The following SEMA6D variants were observed in gnomAD, a reference collection of about 807,000 sequenced individuals.
SEMA6D encodes semaphorin-6D.
In SEMA6D, 35 loss-of-function variants were observed where a neutral mutation model predicts 106.6. The observed-to-expected ratio is 0.33, with a 90% CI of 0.25 to 0.44. The LOEUF (loss-of-function observed/expected upper bound fraction) is 0.44. Among genes scored for constraint, SEMA6D ranks in the 20% least tolerant of loss-of-function variants. The pLI is 1.00. For missense variants in SEMA6D, 1,185 were observed against 1,345.9 expected (o/e 0.88, Z 1.87); for synonymous variants, 499 against 487.7 (o/e 1.02, Z -0.31).
chr15:47,587,986 G>A (rs182457964), intron 3 of SEMA6D, among the ~76,000 whole-genome samples: 6 of 152,134 alleles, frequency 3.9e-5, no homozygotes, highest in African/African-American at 9.7e-5. Flanking sequence ...GGGAAGTTGC[G>A]TGAGTGCAGC....
In SEMA6D at chr15:47,771,297, A is replaced by G. The variant is rs1344420174; in HGVS notation, c.2734A>G (p.Met912Val). The G allele has an allele frequency of 3.7e-6, 6 of 1,613,952 alleles. No individual in the cohort carries two copies. Among genetic ancestry groups the G allele is most frequent in the Non-Finnish European group, 5.1e-6 (6 of 1,179,940 alleles). The change falls in exon 19 of 19, where the codon ATG becomes GTG. Residue 912 changes from methionine (M) to valine (V), a missense_variant. Coordinates refer to ENST00000536845, the MANE Select transcript of SEMA6D (RefSeq NM_001358351.3). ...ACACCAGAACTTAATGCTGGATCCC[A>G]TGGGATCGATGTCTGAGGTCCCACC... ...MAHQNLMLDPMGSMSEVPPKV... is the reference protein window; with the variant it reads ...MAHQNLMLDPVGSMSEVPPKV...
chr15:47,441,549 A>G (rs1334573263), intron 2 of SEMA6D, among the ~76,000 whole-genome samples: 1 of 152,142 alleles, frequency 6.6e-6, no homozygotes, highest in Non-Finnish European at 1.5e-5. Flanking sequence ...GTTTACAGGC[A>G]GGAGTTTCAA....
intron 1 of SEMA6D, among the ~76,000 whole-genome samples, chr15:47,254,656 C>A (rs1026969140): frequency 1.2e-4 from 19 of 152,134 alleles, no homozygotes; most frequent in African/African-American, 4.3e-4. Flanking sequence ...AATGCTTTTT[C>A]TGCATCTATT....
At chr15:47,300,245 G>A (rs1427248342) in intron 1 of SEMA6D, among the ~76,000 whole-genome samples, 1 of 152,158 alleles carries the variant, frequency 6.6e-6, no homozygotes, top group Non-Finnish European at 1.5e-5. Flanking sequence ...AGTCTTCAGG[G>A]CATTTCATTC....
intron 3 of SEMA6D, among the ~76,000 whole-genome samples, chr15:47,534,596 C>T (rs1040020789): frequency 6.6e-6 from 1 of 152,056 alleles, no homozygotes; most frequent in Non-Finnish European, 1.5e-5. Context: ...TAAGTATATG[C>T]CATTCTTGAC....
chr15:47,301,599 C>G (rs1035159959), intron 1 of SEMA6D, among the ~76,000 whole-genome samples: 3 of 152,254 alleles, frequency 2.0e-5, no homozygotes, highest in Non-Finnish European at 4.4e-5. Flanking sequence ...CTCACCTGAT[C>G]TAAGCTCATT....
rs149562728 is a variant in SEMA6D, at chr15:47,395,277, T to G, written c.-238-17116T>G. On this transcript the variant is annotated intron_variant, in intron 1 of 19. Coordinates refer to the SEMA6D transcript ENST00000558014. ...GGGATTTCAAAAACACTTCTGCTTT[T>G]GGGGACTGAGAGTTTTAAAATGTCA... 5.7e-3 allele frequency among the ~76,000 whole-genome samples: 868 copies of G among 152,324 alleles called. 18 individuals carry two copies. Among genetic ancestry groups the G allele is most frequent in the East Asian group, 0.046 (240 of 5,176 alleles).
chr15:47,416,240 T>G (rs2040965225), intron 2 of SEMA6D, among the ~76,000 whole-genome samples: 1 of 152,124 alleles, frequency 6.6e-6, no homozygotes, highest in Non-Finnish European at 1.5e-5. Flanking sequence ...GTACCTTCTG[T>G]GACAATTAAA....
intron 4 of SEMA6D, among the ~76,000 whole-genome samples, chr15:47,636,476 G>A (rs2077390888): frequency 6.6e-6 from 1 of 152,126 alleles, no homozygotes; most frequent in Admixed American, 6.6e-5. Flanking sequence ...CATGGATGAT[G>A]GCTATCTCCT....
chr15:47,411,727 G>T (rs1452439883), intron 1 of SEMA6D, among the ~76,000 whole-genome samples: 1 of 152,036 alleles, frequency 6.6e-6, no homozygotes, highest in Non-Finnish European at 1.5e-5. Context: ...TTCAGGTTTG[G>T]GTTTCTTGAG....
At chr15:47,394,410 A>G (rs1332128511) in intron 1 of SEMA6D, among the ~76,000 whole-genome samples, 2 of 152,178 alleles carry the variant, frequency 1.3e-5, no homozygotes, top group Non-Finnish European at 2.9e-5. Flanking sequence ...CAACTTTGCA[A>G]CCAGAATGCA....
chr15:47,399,118 C>T (rs1265338252), intron 1 of SEMA6D, among the ~76,000 whole-genome samples: 1 of 152,128 alleles, frequency 6.6e-6, no homozygotes, highest in East Asian at 1.9e-4. Context: ...CTATATATTT[C>T]CTCAGTTAAA....
intron 3 of SEMA6D, among the ~76,000 whole-genome samples, chr15:47,478,948 T>A (rs779476581): frequency 8.6e-5 from 13 of 151,986 alleles, no homozygotes; most frequent in Non-Finnish European, 1.6e-4. Flanking sequence ...TTGGATCTCA[T>A]GAGACTTATT....
intron 1 of SEMA6D, among the ~76,000 whole-genome samples, chr15:47,283,471 C>T (rs2035222306): frequency 6.6e-6 from 1 of 152,126 alleles, no homozygotes; most frequent in South Asian, 2.1e-4. Flanking sequence ...CATCTGTCTC[C>T]TCTCACTCAA....
chr15:47,536,157 A>G (rs923801140), intron 3 of SEMA6D, among the ~76,000 whole-genome samples: 3 of 152,186 alleles, frequency 2.0e-5, no homozygotes, highest in African/African-American at 7.2e-5. Flanking sequence ...TTTTTGTTCA[A>G]TTTAATGTAA....
intron 9 of SEMA6D, 85 bp downstream of exon 9, chr15:47,763,189 G>A: frequency 9.5e-7 from 1 of 1,052,754 alleles, no homozygotes; most frequent in African/African-American, 1.6e-5. Flanking sequence ...TGCTCACTTG[G>A]CATGTTTTCC....
intron 1 of SEMA6D, among the ~76,000 whole-genome samples, chr15:47,227,480 CTT>C (rs1441717002): frequency 4.1e-5 from 4 of 98,514 alleles, no homozygotes; most frequent in East Asian, 4.6e-4. Context: ...CTTTCTCTTT[CTT>C]TTTCTTTCTT....
In SEMA6D at chr15:47,621,147, C is replaced by T. The variant is rs1165523123; in HGVS notation, c.-55+20251C>T. On this transcript the variant is annotated intron_variant, in intron 4 of 19. Transcript: ENST00000558014. ...AAAGTTCTAGATGGTAGCATTTTCT[C>T]AAACTTCCCCTAGGTGAACACATGT... is the stretch of plus-strand genomic sequence containing the variant. Among the ~76,000 whole-genome samples, 5 of 152,290 alleles carry T rather than the reference C, an allele frequency of 3.3e-5. No individual in the cohort carries two copies. In the East Asian group the frequency reaches 9.7e-4, roughly 29 times the overall value.
At chr15:47,440,659 A>G (rs528761753) in intron 2 of SEMA6D, among the ~76,000 whole-genome samples, 136 of 152,244 alleles carry the variant, frequency 8.9e-4, no homozygotes, top group Non-Finnish European at 7.8e-4. Flanking sequence ...AGTTAAAAAA[A>G]AAAAGACGGG....
Sources: allele counts gnomAD v4.1 joint callset (sites outside exome capture counted in the v4.1 genomes callset), GRCh38; gene constraint gnomAD v4.1.1; transcripts MANE v1.5; gene names NCBI Gene and HGNC (gene_info 2026-07-23, HGNC 2026-07-21).